Variants in UNC13C observed in about 807,000 individuals in gnomAD.
The protein encoded by UNC13C is unc-13 homolog C.
A neutral mutation model predicts 245.4 loss-of-function variants in UNC13C; 174 were observed. The observed-to-expected ratio is 0.71, with a 90% CI of 0.63 to 0.80. The LOEUF is 0.80. Ranked by LOEUF, UNC13C falls within the 30% of genes least tolerant of loss-of-function variation. The pLI, the probability that UNC13C is intolerant of heterozygous loss-of-function variation, is 0.00. For missense variants in UNC13C, 2,829 were observed against 2,602.9 expected, an observed-to-expected ratio of 1.09 and a Z score of -1.89; for synonymous variants, 992 against 895.1, an observed-to-expected ratio of 1.11 and a Z score of -1.93.
intron 17 of UNC13C, among the ~76,000 whole-genome samples, chr15:54,379,200 A>G (rs989106926): frequency 3.3e-5 from 5 of 152,114 alleles, no homozygotes; most frequent in African/African-American, 7.2e-5. Flanking sequence ...ATTAATTTTA[A>G]AAGTAATGTT....
At chr15:54,579,014 C>G (rs1384788320) in intron 30 of UNC13C, among the ~76,000 whole-genome samples, 1 of 152,162 alleles carries the variant, frequency 6.6e-6, no homozygotes, top group Non-Finnish European at 1.5e-5. Flanking sequence ...AGCAGACAGA[C>G]AAGTTCCAGC....
intron 17 of UNC13C, among the ~76,000 whole-genome samples, chr15:54,342,283 A>G (rs927925505): frequency 2.0e-5 from 3 of 152,116 alleles, no homozygotes; most frequent in Admixed American, 1.3e-4. Context: ...TCTTTTTGTT[A>G]TATTGAAGTT....
At chr15:54,424,855 G>T (rs557901991) in intron 19 of UNC13C, among the ~76,000 whole-genome samples, 1 of 151,776 alleles carries the variant, frequency 6.6e-6, no homozygotes, top group East Asian at 1.9e-4. Flanking sequence ...AAAATGTTTC[G>T]TGGGTAAATT....
At chr15:53,994,913 G>T (rs1894550757) in intron 1 of UNC13C, among the ~76,000 whole-genome samples, 1 of 152,110 alleles carries the variant, frequency 6.6e-6, no homozygotes, top group Non-Finnish European at 1.5e-5. Flanking sequence ...TGGAAAAGAG[G>T]TAGGAGGTAT....
intron 4 of UNC13C, among the ~76,000 whole-genome samples, chr15:54,188,999 C>G (rs79399761): frequency 3.9e-5 from 6 of 152,198 alleles, no homozygotes; most frequent in African/African-American, 1.4e-4. Flanking sequence ...AAAATAAGGA[C>G]TGTTGTTGCT....
intron 17 of UNC13C, among the ~76,000 whole-genome samples, chr15:54,373,609 G>C (rs981818429): frequency 2.0e-5 from 3 of 152,208 alleles, no homozygotes; most frequent in African/African-American, 7.2e-5. Flanking sequence ...GGTGGTGCCT[G>C]GAAGTCTGGA....
At chr15:54,584,421 A>G (rs1898376165) in intron 30 of UNC13C, among the ~76,000 whole-genome samples, 1 of 152,232 alleles carries the variant, frequency 6.6e-6, no homozygotes, top group South Asian at 2.1e-4. Flanking sequence ...CGAAAAGGCA[A>G]GGTAACTTGA....
intron 24 of UNC13C, among the ~76,000 whole-genome samples, chr15:54,513,800 AAT>A (rs1021670182): frequency 2.6e-5 from 3 of 113,752 alleles, no homozygotes; most frequent in African/African-American, 1.3e-4. Context: ...TCTTTTTCTA[AAT>A]ATTTTTTTTC....
chr15:54,289,281 A>G (rs1466651245), intron 10 of UNC13C, among the ~76,000 whole-genome samples: 1 of 152,060 alleles, frequency 6.6e-6, no homozygotes, highest in African/African-American at 2.4e-5. Flanking sequence ...TGAAAGGGGG[A>G]AACATTTGAT....
At chr15:54,606,047 C>T (rs765192914) in intron 30 of UNC13C, among the ~76,000 whole-genome samples, 1 of 152,194 alleles carries the variant, frequency 6.6e-6, no homozygotes, top group African/African-American at 2.4e-5. Context: ...TTTCCCACTT[C>T]TGGTGAGAAA....
intron 2 of UNC13C, among the ~76,000 whole-genome samples, chr15:54,043,700 T>A (rs17633860): frequency 0.086 from 13,150 of 152,216 alleles, 740 homozygotes; most frequent in South Asian, 0.13. Context: ...GAACTTGGGA[T>A]ACCCTATTTT....
At chr15:54,151,550 G>T (rs932951402) in intron 4 of UNC13C, among the ~76,000 whole-genome samples, 1 of 152,008 alleles carries the variant, frequency 6.6e-6, no homozygotes, top group African/African-American at 2.4e-5. Context: ...TTACAGGCGC[G>T]TGCCATCATG....
At chr15:53,851,612 C>A in the UNC13C span, among the ~76,000 whole-genome samples, 3 of 152,148 alleles carry the variant, frequency 2.0e-5, no homozygotes, top group South Asian at 6.2e-4. Context: ...GGGTCATAAA[C>A]CCTCATTCCA....
chr15:54,447,111 T>C (rs1890860821), intron 19 of UNC13C, among the ~76,000 whole-genome samples: 1 of 152,184 alleles, frequency 6.6e-6, no homozygotes, highest in Non-Finnish European at 1.5e-5. Flanking sequence ...TTGCATGTGT[T>C]GAACCAGCCT....
chr15:54,556,891 T>A (rs1897114269), intron 29 of UNC13C, among the ~76,000 whole-genome samples: 1 of 151,988 alleles, frequency 6.6e-6, no homozygotes, highest in Non-Finnish European at 1.5e-5. Context: ...AAATAGGGAA[T>A]GGTATTCACT....
intron 17 of UNC13C, among the ~76,000 whole-genome samples, chr15:54,390,985 G>GA: frequency 6.6e-6 from 1 of 152,022 alleles, no homozygotes; most frequent in Admixed American, 6.6e-5. Flanking sequence ...TATATGATGT[G>GA]AAAAATAGCA....
chr15:54,120,553 T>A (rs112542296), intron 2 of UNC13C, among the ~76,000 whole-genome samples: 1 of 152,112 alleles, frequency 6.6e-6, no homozygotes, highest in East Asian at 1.9e-4. Flanking sequence ...AGCCCATGGA[T>A]CAGGGAGTAA....
At chr15:54,569,928 C>G (rs983085753) in intron 30 of UNC13C, among the ~76,000 whole-genome samples, 2 of 152,048 alleles carry the variant, frequency 1.3e-5, no homozygotes, top group African/African-American at 4.8e-5. Context: ...CCTATCCACC[C>G]TCGCCCAGCT....
chr15:53,889,244 T>C, the UNC13C span, among the ~76,000 whole-genome samples: 1 of 152,198 alleles, frequency 6.6e-6, no homozygotes, highest in African/African-American at 2.4e-5. Flanking sequence ...TAGTTTGTGG[T>C]TCTCCTTGAA....
Sources: allele counts gnomAD v4.1 joint callset (sites outside exome capture counted in the v4.1 genomes callset), GRCh38; gene constraint gnomAD v4.1.1; transcripts MANE v1.5; gene names NCBI Gene and HGNC (gene_info 2026-07-23, HGNC 2026-07-21).